The following CDKL5 variants were observed in gnomAD, a reference collection of about 807,000 sequenced individuals.
CDKL5 encodes cyclin-dependent kinase-like 5.
CDKL5 carries 8 observed loss-of-function variants against 61.7 expected under a neutral mutation model. The ratio of observed to expected loss-of-function variants is 0.13; its 90% CI spans 0.08 to 0.23. CDKL5 has a LOEUF of 0.23. Among genes scored for constraint, CDKL5 ranks in the 10% least tolerant of loss-of-function variants. The pLI is 1.00. For synonymous variants in CDKL5, 275 were observed against 272.3 expected (o/e 1.01, Z -0.10); for missense variants, 440 against 734.5 (o/e 0.60, Z 4.63).
At chrX:18,611,359 C>T (rs971611310) in intron 14 of CDKL5, among the ~76,000 whole-genome samples, 4 of 107,149 alleles carry the variant, frequency 3.7e-5, no homozygotes, top group Admixed American at 1.0e-4. Context: ...GGCGTGAACC[C>T]GGGAGGCGGA....
At position 18,636,347 on chromosome X, in the gene CDKL5, TA is replaced by T. The variant is rs1927386606; in HGVS notation, c.*7591del. On this transcript the variant is annotated 3_prime_UTR_variant, in exon 18 of 18. Transcript: ENST00000623535. Reference sequence around the variant, plus strand: ...CCCAAGTGTTTTGCTTTATTATTATTATTATTATTATTATTATTATTATTAT... The same window carrying T: ...CCCAAGTGTTTTGCTTTATTATTATTTTATTATTATTATTATTATTATTAT... 1 of 96,038 alleles carries T rather than the reference TA, an allele frequency of 1.0e-5. No individual in the cohort carries two copies. Among genetic ancestry groups the T allele is most frequent in the Non-Finnish European group, 2.0e-5 (1 of 50,961 alleles). The allele number at this position is 96,038 out of a possible 1,213,427, so 7.9% of individuals were successfully genotyped here.
chrX:18,509,197 G>GCA (rs60516677), intron 2 of CDKL5, among the ~76,000 whole-genome samples: 7,747 of 64,102 alleles, frequency 0.12, 602 homozygotes, highest in Non-Finnish European at 0.13. Context: ...CTCAAAACAC[G>GCA]CACACACACA....
intron 3 of CDKL5, among the ~76,000 whole-genome samples, chrX:18,532,445 A>G (rs778588365): frequency 9.2e-6 from 1 of 108,546 alleles, no homozygotes; most frequent in South Asian, 3.9e-4. Flanking sequence ...CACTTATTTC[A>G]CCCCACTTAT....
At chrX:18,615,716 C>T (rs766058253) in intron 15 of CDKL5, among the ~76,000 whole-genome samples, 8 of 112,228 alleles carry the variant, frequency 7.1e-5, no homozygotes, top group Non-Finnish European at 1.1e-4. Context: ...TGTGCCTGGC[C>T]GTGAATTGCT....
chrX:18,533,713 A>T (rs1923726236), intron 3 of CDKL5, among the ~76,000 whole-genome samples: 1 of 111,392 alleles, frequency 9.0e-6, no homozygotes, highest in Non-Finnish European at 1.9e-5. Flanking sequence ...TACCCTTGGA[A>T]AATGCCATTT....
At chrX:18,515,069 G>A (rs1264537365) in intron 3 of CDKL5, among the ~76,000 whole-genome samples, 1 of 112,460 alleles carries the variant, frequency 8.9e-6, no homozygotes, top group East Asian at 2.8e-4. Flanking sequence ...GAAGTGCTGG[G>A]ATTTACAGGC....
In CDKL5 at chrX:18,509,197, G is replaced by GCACACACACACACACACA. The variant is rs60516677; in HGVS notation, c.65-1591_65-1574dup. ...AGAGAGCGAGACTGTCTCAAAACACGCACACACACACACACACACACACAC... is the reference window on the plus strand; with the variant it reads ...AGAGAGCGAGACTGTCTCAAAACACGCACACACACACACACACACACACACACACACACACACACACAC... On this transcript the variant is annotated intron_variant, in intron 2 of 17. Transcript: ENST00000623535. 1.3e-3 allele frequency among the ~76,000 whole-genome samples: 85 copies of GCACACACACACACACACA among 64,302 alleles called. 2 individuals are homozygous for GCACACACACACACACACA. The highest frequency in any genetic ancestry group is 2.0e-3 in the Non-Finnish European group (70 of 35,669). 55.8% of individuals were successfully genotyped at this position (64,302 alleles called of 115,157 possible).
At chrX:18,570,535 C>A (rs779299012) in intron 4 of CDKL5, among the ~76,000 whole-genome samples, 14 of 111,042 alleles carry the variant, frequency 1.3e-4, no homozygotes, top group African/African-American at 4.2e-4. Flanking sequence ...AATATGGTAC[C>A]CCCGTGGTTT....
intron 1 of CDKL5, among the ~76,000 whole-genome samples, chrX:18,444,602 C>T (rs1473291319): frequency 8.9e-6 from 1 of 112,124 alleles, no homozygotes; most frequent in Non-Finnish European, 1.9e-5. Context: ...CAGGCATGAG[C>T]CACTGTGCCC....
At chrX:18,628,251 C>T in intron 17 of CDKL5, 120 bp from the exon 18 acceptor site, 1 of 689,160 alleles carries the variant, frequency 1.5e-6, no homozygotes, top group Non-Finnish European at 2.4e-6. Context: ...CCGGCTCCTC[C>T]TTGCACATGC....
In CDKL5 at chrX:18,459,991, G is replaced by A. The variant is rs950382237; in HGVS notation, c.-163+34296G>A. Among the ~76,000 whole-genome samples, 3 of 110,280 alleles carry A rather than the reference G, an allele frequency of 2.7e-5. No individual in the cohort carries two copies. In the East Asian group the frequency reaches 8.6e-4, roughly 32 times the overall value. Reference sequence around the variant, plus strand: ...GGGTTCAAGCGATTCTCCCACCCCAGCCTCCCGAGTAGCTGGGATTACAGG... The same window carrying A: ...GGGTTCAAGCGATTCTCCCACCCCAACCTCCCGAGTAGCTGGGATTACAGG... On this transcript the variant is annotated intron_variant, in intron 1 of 17. Coordinates refer to ENST00000623535, the MANE Select transcript of CDKL5 (RefSeq NM_001323289.2).
chrX:18,640,422 A>C, downstream of CDKL5: 1 of 85,822 alleles, frequency 1.2e-5, no homozygotes, highest in South Asian at 8.2e-4. Context: ...AAGGCCAGGG[A>C]TAAGTCCCCC....
At chrX:18,536,608 G>C (rs920208799) in intron 3 of CDKL5, among the ~76,000 whole-genome samples, 15 of 108,146 alleles carry the variant, frequency 1.4e-4, no homozygotes, top group Non-Finnish European at 2.3e-4. Flanking sequence ...ACCACCCCTG[G>C]CTAATTTTTG....
At chrX:18,595,682 A>G (rs1925969068) in intron 10 of CDKL5, among the ~76,000 whole-genome samples, 1 of 112,370 alleles carries the variant, frequency 8.9e-6, no homozygotes, top group African/African-American at 3.2e-5. Context: ...AATAATAAAA[A>G]TCTGTTAGCA....
At chrX:18,617,139 C>A (rs1926742894) in intron 15 of CDKL5, among the ~76,000 whole-genome samples, 1 of 112,002 alleles carries the variant, frequency 8.9e-6, no homozygotes, top group African/African-American at 3.3e-5. Flanking sequence ...TCCTTCCTTT[C>A]TTTAGGTGAA....
chrX:18,647,153 T>A (rs775223322), intron 20 of CDKL5: 69 of 1,200,744 alleles, frequency 5.7e-5, no homozygotes, highest in South Asian at 5.3e-4. Flanking sequence ...TATTTTTTTT[T>A]AAAAGCACAT....
Position 18,604,394 on chromosome X carries a change from G to A in CDKL5, c.1470G>A (p.Gly490=), listed in dbSNP as rs1290943262. 8.3e-7 allele frequency: 1 copy of A among 1,210,647 alleles called. No individual in the cohort carries two copies. The highest frequency in any genetic ancestry group is 1.1e-6 in the Non-Finnish European group (1 of 894,763). The change falls in exon 12 of 18, where the codon GGG becomes GGA. Residue 490 remains glycine (G), a synonymous_variant. Coordinates refer to ENST00000623535, the MANE Select transcript of CDKL5 (RefSeq NM_001323289.2). ...ACAGGACCAAGGCCAAAAGCCATGG[G>A]GCACTGAGTGACTCCAAGTCTGTGA... The part of the protein sequence containing the change: ...PSYRTKAKSH[G]ALSDSKSVSN...
chrX:18,562,254 A>G lies in CDKL5; in HGVS notation c.100-2223A>G, dbSNP rs1924829198. 3.6e-5 allele frequency among the ~76,000 whole-genome samples: 4 copies of G among 111,735 alleles called. No homozygotes were observed. In the Admixed American group the frequency reaches 3.8e-4, roughly 11 times the overall value. ...TTTTTTTGGATGTCAGTTTGTCATT[A>G]TATATTGGGAGCCTTTAACATTCAT... is the stretch of plus-strand genomic sequence containing the variant. On this transcript the variant is annotated intron_variant, in intron 3 of 17. Coordinates refer to ENST00000623535, the MANE Select transcript of CDKL5 (RefSeq NM_001323289.2).
chrX:18,504,276 T>G (rs1389798063), intron 1 of CDKL5, among the ~76,000 whole-genome samples: 3 of 110,683 alleles, frequency 2.7e-5, no homozygotes, highest in Admixed American at 9.6e-5. Context: ...TTGTTTGTTT[T>G]TTTTGTTTTT....
Sources: gnomAD v4.1 joint callset for allele counts (sites outside exome capture counted in the v4.1 genomes callset) on GRCh38, gnomAD v4.1.1 for gene constraint, MANE v1.5 for transcripts, NCBI Gene and HGNC (gene_info 2026-07-23, HGNC 2026-07-21) for gene names.